Variants in WASHC2C observed in about 807,000 individuals in gnomAD.
WASHC2C encodes Vaccinia Penetration Factor.
WASHC2C carries 73 observed loss-of-function variants against 142.2 expected under a neutral mutation model. The observed-to-expected ratio is 0.51, with a 90% CI of 0.43 to 0.62. The LOEUF (loss-of-function observed/expected upper bound fraction) is 0.62. WASHC2C is among the 20% of genes least tolerant of loss of function. The pLI is 0.00. For synonymous variants in WASHC2C, 337 were observed against 565.5 expected, an observed-to-expected ratio of 0.60 and a Z score of 5.73; for missense variants, 969 against 1,531.7, an observed-to-expected ratio of 0.63 and a Z score of 6.13.
At chr10:45,758,504 A>G (rs2596977) in intron 16 of WASHC2C, among the ~76,000 whole-genome samples, 3 of 152,022 alleles carry the variant, frequency 2.0e-5, no homozygotes, top group South Asian at 4.1e-4. Flanking sequence ...TCTTCTGAAT[A>G]AAGTTCTTTC....
intron 19 of WASHC2C, among the ~76,000 whole-genome samples, chr10:45,768,779 G>A (rs1473608264): frequency 6.6e-6 from 1 of 152,020 alleles, no homozygotes; most frequent in Non-Finnish European, 1.5e-5. Flanking sequence ...CTTCTCTGGA[G>A]TTGGAAGTTC....
chr10:45,749,499 TTTTATA>T, intron 8 of WASHC2C, among the ~76,000 whole-genome samples: 1 of 151,404 alleles, frequency 6.6e-6, no homozygotes, highest in Admixed American at 6.6e-5. Context: ...ATATTCTGCT[TTTTATA>T]TTCTTGTTGT....
chr10:45,787,178 C>G lies in WASHC2C; in HGVS notation c.3018C>G (p.Pro1006=). The part of the protein sequence containing the change: ...SHGLESVPVL[P]GSGEAGVSFD... ...GTCTGGAAAGTGTGCCTGTCCTTCC[C>G]GGGAGTGGGGAGGCCGGTGTGAGTT... Residue 1006 remains proline (P), a synonymous_variant, in exon 28 of 31, where the codon CCC becomes CCG. Coordinates refer to ENST00000623400, the MANE Select transcript of WASHC2C (RefSeq NM_001330074.2). The G allele has an allele frequency of 1.3e-6, 2 of 1,557,204 alleles. No homozygotes were observed. The highest frequency in any genetic ancestry group is 1.9e-5 in the Admixed American group (1 of 53,892).
chr10:45,749,624 A>G (rs2134541300), intron 8 of WASHC2C, among the ~76,000 whole-genome samples: 2 of 151,470 alleles, frequency 1.3e-5, no homozygotes, highest in Middle Eastern at 3.4e-3. Context: ...CAGGAGTTCA[A>G]GACCAGCCTA....
At chr10:45,757,190 A>G (rs2054415140) in intron 16 of WASHC2C, 51 bp downstream of exon 16, 7 of 1,610,648 alleles carry the variant, frequency 4.3e-6, no homozygotes, top group Non-Finnish European at 3.4e-6. Flanking sequence ...CAGCATTTTA[A>G]TAATTCATCC....
intron 4 of WASHC2C, among the ~76,000 whole-genome samples, chr10:45,739,607 G>GTTT (rs199640318): frequency 2.8e-5 from 4 of 142,828 alleles, no homozygotes; most frequent in African/African-American, 5.1e-5. Context: ...TAATTGTCCA[G>GTTT]TTTTTTTTTT....
At chr10:45,734,359 CTGTGTG>C (rs139735516) in intron 3 of WASHC2C, among the ~76,000 whole-genome samples, 3 of 148,156 alleles carry the variant, frequency 2.0e-5, no homozygotes, top group East Asian at 2.0e-4. Context: ...TTCTAGATGA[CTGTGTG>C]TGTGTGTGTG....
rs1208244490 is a variant in WASHC2C at position 45,789,602 on chromosome 10, A to G, written c.3708+111A>G. 3.3e-6 allele frequency: 5 copies of G among 1,499,634 alleles called. No homozygotes were observed. The African/African-American group carries it at 7.0e-5, about 21-fold the overall frequency. The allele number at this position is 1,499,634 out of a possible 1,614,324, so 92.9% of individuals were successfully genotyped here. The stretch of plus-strand genomic sequence containing the variant: ...CTTGTTGCGTGCATACCCCATAGCC[A>G]CTTGCTTAGTAATTATAATTAGGCT... On this transcript the variant is annotated intron_variant, in intron 29 of 30. Transcript: ENST00000623400.
At chr10:45,755,462 C>G (rs576292531) in intron 15 of WASHC2C, among the ~76,000 whole-genome samples, 24,101 of 148,026 alleles carry the variant, frequency 0.16, 10 homozygotes, top group Admixed American at 0.21. Context: ...ATTACATGAG[C>G]AGCAGGTTGT....
chr10:45,786,702 C>T, intron 27 of WASHC2C, 28 bp downstream of exon 27: 4 of 1,611,708 alleles, frequency 2.5e-6, no homozygotes, highest in Non-Finnish European at 3.4e-6. Context: ...ATCTTCATTG[C>T]CTGCCCTGTG....
chr10:45,769,096 T>C (rs529749204), intron 19 of WASHC2C, among the ~76,000 whole-genome samples: 2 of 152,294 alleles, frequency 1.3e-5, no homozygotes, highest in East Asian at 3.9e-4. Flanking sequence ...CCCCATGTTT[T>C]ATAATCTAAA....
intron 6 of WASHC2C, among the ~76,000 whole-genome samples, chr10:45,744,078 G>A (rs1288631898): frequency 1.3e-5 from 2 of 150,718 alleles, no homozygotes; most frequent in African/African-American, 4.9e-5. Flanking sequence ...TCTTTTTTGA[G>A]CCGGAGTTTC....
chr10:45,755,542 AGAT>A (rs2054161304), intron 15 of WASHC2C, among the ~76,000 whole-genome samples: 1 of 152,310 alleles, frequency 6.6e-6, no homozygotes, highest in African/African-American at 2.4e-5. Flanking sequence ...GTCTTTCCTC[AGAT>A]GATGTTTTCA....
intron 29 of WASHC2C, among the ~76,000 whole-genome samples, chr10:45,790,068 G>A (rs2058306924): frequency 6.6e-6 from 1 of 152,236 alleles, no homozygotes; most frequent in African/African-American, 2.4e-5. Flanking sequence ...AGTACTAAGT[G>A]TCATGAAGAA....
At chr10:45,748,343 G>A (rs2134493228) in intron 8 of WASHC2C, among the ~76,000 whole-genome samples, 1 of 136,282 alleles carries the variant, frequency 7.3e-6, no homozygotes, top group Non-Finnish European at 1.5e-5. Flanking sequence ...AGGCTGGAGT[G>A]CAGTGGCACG....
At chr10:45,738,768 G>A (rs565097545) in intron 4 of WASHC2C, among the ~76,000 whole-genome samples, 1 of 152,228 alleles carries the variant, frequency 6.6e-6, no homozygotes, top group African/African-American at 2.4e-5. Context: ...GCAGTGGCAC[G>A]ATATCAGCTC....
At chr10:45,784,238 ATATGTGTGTGTGTG>A (rs2057744363) in intron 23 of WASHC2C, among the ~76,000 whole-genome samples, 2 of 58,228 alleles carry the variant, frequency 3.4e-5, no homozygotes, top group African/African-American at 1.1e-4. Context: ...ATATATATAT[ATATGTGTGTGTGTG>A]TATATATATA....
chr10:45,763,271 G>A, intron 17 of WASHC2C, 117 bp from the exon 18 acceptor site: 2 of 589,090 alleles, frequency 3.4e-6, no homozygotes, highest in Non-Finnish European at 6.2e-6. Context: ...TCCCTCTCAG[G>A]AAAGAAGCCT....
intron 19 of WASHC2C, among the ~76,000 whole-genome samples, chr10:45,768,908 T>C (rs1468734740): frequency 2.6e-5 from 4 of 151,884 alleles, no homozygotes; most frequent in African/African-American, 4.8e-5. Context: ...GGAAGAGACA[T>C]CGTGGCAGGT....
Sources: allele counts gnomAD v4.1 joint callset (sites outside exome capture counted in the v4.1 genomes callset), GRCh38; gene constraint gnomAD v4.1.1; transcripts MANE v1.5; gene names NCBI Gene and HGNC (gene_info 2026-07-23, HGNC 2026-07-21).